TAFA5: variants seen among roughly 807,000 people sequenced by gnomAD.
TAFA5 encodes chemokine-like protein TAFA-5.
A neutral mutation model predicts 15.3 loss-of-function variants in TAFA5; 6 were observed. That is an observed-to-expected ratio of 0.39 (90% CI 0.21 to 0.77). The LOEUF is 0.77. Ranked by LOEUF, TAFA5 falls within the 30% of genes least tolerant of loss-of-function variation. The pLI, the probability that TAFA5 is intolerant of heterozygous loss-of-function variation, is 0.41. For synonymous variants in TAFA5, 103 were observed against 80.7 expected (o/e 1.28, Z -1.48); for missense variants, 161 against 193.1 (o/e 0.83, Z 0.98).
At chr22:48,580,200 C>T (rs1015285681) in intron 1 of TAFA5, among the ~76,000 whole-genome samples, 1 of 152,176 alleles carries the variant, frequency 6.6e-6, no homozygotes, top group Non-Finnish European at 1.5e-5. Flanking sequence ...TTAGCTGGCT[C>T]TTTCGGAAAT....
intron 1 of TAFA5, among the ~76,000 whole-genome samples, chr22:48,521,338 G>T (rs1405077078): frequency 6.6e-6 from 1 of 152,126 alleles, no homozygotes; most frequent in Admixed American, 6.6e-5. Flanking sequence ...CCAGATCACG[G>T]CCCAGGGACC....
intron 1 of TAFA5, among the ~76,000 whole-genome samples, chr22:48,555,399 G>A (rs765416814): frequency 6.6e-6 from 1 of 152,234 alleles, no homozygotes; most frequent in African/African-American, 2.4e-5. Flanking sequence ...CGTGTCCTGC[G>A]AGGGATTTCC....
chr22:48,739,676 A>C (rs1035459255), intron 3 of TAFA5, among the ~76,000 whole-genome samples: 1 of 152,170 alleles, frequency 6.6e-6, no homozygotes, highest in Non-Finnish European at 1.5e-5. Context: ...GCTCAGGTTA[A>C]CAATGACCAA....
intron 3 of TAFA5, among the ~76,000 whole-genome samples, chr22:48,717,127 G>C (rs569508862): frequency 6.6e-6 from 1 of 152,342 alleles, no homozygotes; most frequent in East Asian, 1.9e-4. Flanking sequence ...TGAAATTTCA[G>C]ACCACGGGAG....
At chr22:48,520,264 G>T (rs140737682) in intron 1 of TAFA5, among the ~76,000 whole-genome samples, 1 of 152,366 alleles carries the variant, frequency 6.6e-6, no homozygotes, top group Non-Finnish European at 1.5e-5. Context: ...CGGGTTTGTG[G>T]GATTTTGTTA....
chr22:48,600,425 A>T (rs1380417817), intron 1 of TAFA5, among the ~76,000 whole-genome samples: 2 of 152,128 alleles, frequency 1.3e-5, no homozygotes. Context: ...AAGGGGCCCG[A>T]GGCAGCCCTT....
rs530643668 is a variant in TAFA5 at position 48,498,430 on chromosome 22, A to G, written c.112+8726A>G. Among the ~76,000 whole-genome samples the G allele has an allele frequency of 3.9e-5, 6 of 152,196 alleles. No homozygotes were observed. The East Asian group carries it at 1.2e-3, about 29-fold the overall frequency. On this transcript the variant is annotated intron_variant, in intron 1 of 3. Transcript: ENST00000402357. ...CTTTGGTTCTAACAGTTTGATTAAT[A>G]ATAATAATATGTGGAATACCTGGGA... is the stretch of plus-strand genomic sequence containing the variant.
intron 1 of TAFA5, among the ~76,000 whole-genome samples, chr22:48,631,324 C>T (rs1378502043): frequency 6.6e-6 from 1 of 152,208 alleles, no homozygotes; most frequent in East Asian, 1.9e-4. Flanking sequence ...CACCCAGCCA[C>T]ATGCCTTCCA....
intron 1 of TAFA5, among the ~76,000 whole-genome samples, chr22:48,600,713 C>T (rs1412421136): frequency 6.6e-6 from 1 of 152,200 alleles, no homozygotes; most frequent in African/African-American, 2.4e-5. Flanking sequence ...GAGTTTTAAG[C>T]CGCACGCCCT....
chr22:48,681,039 C>T (rs1362471675), intron 2 of TAFA5, among the ~76,000 whole-genome samples: 1 of 152,212 alleles, frequency 6.6e-6, no homozygotes, highest in Non-Finnish European at 1.5e-5. Context: ...CCATTTTGTT[C>T]TCCGGGGCCC....
intron 1 of TAFA5, among the ~76,000 whole-genome samples, chr22:48,554,361 G>C (rs923258095): frequency 1.3e-5 from 2 of 151,996 alleles, no homozygotes; most frequent in African/African-American, 4.8e-5. Flanking sequence ...TTTCTGTAAG[G>C]GTTTTTTAAA....
At chr22:48,624,427 C>A (rs889552011) in intron 1 of TAFA5, among the ~76,000 whole-genome samples, 4 of 152,154 alleles carry the variant, frequency 2.6e-5, no homozygotes, top group African/African-American at 9.7e-5. Context: ...AGGGACAGGC[C>A]GCCTCCATGA....
chr22:48,641,775 T>C (rs1232547229), intron 1 of TAFA5, among the ~76,000 whole-genome samples: 1 of 152,116 alleles, frequency 6.6e-6, no homozygotes, highest in East Asian at 1.9e-4. Context: ...AGGTCCCATG[T>C]CCTCTCAGCA....
chr22:48,630,677 G>A (rs747360350), intron 1 of TAFA5, among the ~76,000 whole-genome samples: 10 of 152,160 alleles, frequency 6.6e-5, no homozygotes, highest in African/African-American at 9.7e-5. Context: ...CGTCTTCACC[G>A]CCCTCCATCA....
At chr22:48,582,492 C>A (rs1212530029) in intron 1 of TAFA5, among the ~76,000 whole-genome samples, 5 of 135,666 alleles carry the variant, frequency 3.7e-5, no homozygotes, top group Admixed American at 1.5e-4. Flanking sequence ...CACCACACAC[C>A]ACACACAAAA....
intron 2 of TAFA5, among the ~76,000 whole-genome samples, chr22:48,655,904 A>G (rs896041463): frequency 7.5e-6 from 1 of 133,342 alleles, no homozygotes; most frequent in African/African-American, 2.9e-5. Flanking sequence ...CAGTGGCGCG[A>G]TCTCAGCTCA....
At chr22:48,721,271 A>G (rs1041693437) in intron 3 of TAFA5, among the ~76,000 whole-genome samples, 2 of 152,198 alleles carry the variant, frequency 1.3e-5, no homozygotes, top group African/African-American at 4.8e-5. Flanking sequence ...AGCCTGGGCC[A>G]CTGCCCCCGT....
At chr22:48,705,396 C>T (rs130135) in intron 2 of TAFA5, among the ~76,000 whole-genome samples, 17,300 of 152,202 alleles carry the variant, frequency 0.11, 1,134 homozygotes, top group Non-Finnish European at 0.14. Flanking sequence ...GAACTGAGGA[C>T]GAGAACCCAT....
intron 1 of TAFA5, among the ~76,000 whole-genome samples, chr22:48,613,681 G>A (rs555731938): frequency 6.6e-6 from 1 of 152,324 alleles, no homozygotes; most frequent in East Asian, 1.9e-4. Flanking sequence ...TGTGATCTTG[G>A]CTCCACCTGC....
Sources: allele counts gnomAD v4.1 joint callset (sites outside exome capture counted in the v4.1 genomes callset), GRCh38; gene constraint gnomAD v4.1.1; transcripts MANE v1.5; gene names NCBI Gene and HGNC (gene_info 2026-07-23, HGNC 2026-07-21).